The following LGMN variants were observed in gnomAD, a reference collection of about 807,000 sequenced individuals.
LGMN encodes the protein legumain.
In LGMN, 36 loss-of-function variants were observed where a neutral mutation model predicts 56.8. That is an observed-to-expected ratio of 0.63 (90% CI 0.49 to 0.84). The LOEUF (loss-of-function observed/expected upper bound fraction) is 0.84. Among genes scored for constraint, LGMN ranks in the 40% least tolerant of loss-of-function variants. The probability of loss-of-function intolerance (pLI) is 0.00; values close to 1 mark genes in which losing one functional copy is unlikely to be tolerated. For missense variants in LGMN, 446 were observed against 556.1 expected (o/e 0.80, Z 1.99); for synonymous variants, 199 against 210.1 (o/e 0.95, Z 0.46).
At chr14:92,743,229 C>A (rs1374793358) in intron 1 of LGMN, among the ~76,000 whole-genome samples, 1 of 151,968 alleles carries the variant, frequency 6.6e-6, no homozygotes, top group South Asian at 2.1e-4. Flanking sequence ...CAGGGCCGGG[C>A]AGTGGCTCAC....
At chr14:92,721,375 C>T (rs1169814211) in intron 2 of LGMN, among the ~76,000 whole-genome samples, 1 of 152,310 alleles carries the variant, frequency 6.6e-6, no homozygotes, top group East Asian at 1.9e-4. Context: ...AAAGTGGAGC[C>T]TCCACTACAG....
At chr14:92,718,221 A>C (rs1890169018) in intron 3 of LGMN, among the ~76,000 whole-genome samples, 1 of 152,136 alleles carries the variant, frequency 6.6e-6, no homozygotes, top group Non-Finnish European at 1.5e-5. Flanking sequence ...CAAAGCAGCG[A>C]CCAGCACCCA....
intron 1 of LGMN, among the ~76,000 whole-genome samples, chr14:92,734,779 A>T (rs1891222398): frequency 1.3e-5 from 2 of 152,248 alleles, no homozygotes; most frequent in Admixed American, 1.3e-4. Context: ...AAGAAGAAAA[A>T]TATATAGTCA....
intron 4 of LGMN, 67 bp from the exon 5 acceptor site, chr14:92,716,288 G>T: frequency 8.8e-7 from 1 of 1,135,550 alleles, no homozygotes; most frequent in Non-Finnish European, 1.3e-6. Context: ...GGCTGAGTCT[G>T]CAACCGACCC....
chr14:92,740,548 G>A (rs900715131), intron 1 of LGMN, among the ~76,000 whole-genome samples: 2 of 152,160 alleles, frequency 1.3e-5, no homozygotes, highest in African/African-American at 4.8e-5. Context: ...CACAAAGAAA[G>A]AGTTGCTTAT....
In LGMN at chr14:92,711,687, G is replaced by A. The variant is rs367813667; in HGVS notation, c.791C>T (p.Thr264Ile). ...QYHLVKSHTNTSHVMQYGNKT... is the reference protein window; with the variant it reads ...QYHLVKSHTNISHVMQYGNKT... ...GTTTCCATACTGCATGACGTGGCTG[G>A]TGTTGGTGTGCGATTTTACCAGGTG... Residue 264 changes from threonine (T) to isoleucine (I), a missense_variant, in exon 10 of 14, where the codon ACC (threonine) becomes ATC (isoleucine). By Grantham distance (89) the Thr-to-Ile change is moderately conservative. Coordinates refer to ENST00000334869, the MANE Select transcript of LGMN (RefSeq NM_005606.7). The A allele has an allele frequency of 3.1e-6, 5 of 1,614,122 alleles. No individual in the cohort carries two copies. In the African/African-American group the frequency reaches 6.7e-5, roughly 22 times the overall value.
chr14:92,731,127 C>T (rs969268558), intron 2 of LGMN, among the ~76,000 whole-genome samples: 1 of 152,092 alleles, frequency 6.6e-6, no homozygotes, highest in Non-Finnish European at 1.5e-5. Context: ...TCAGTCCAAT[C>T]ATTCGTAAAG....
At chr14:92,747,398 A>T (rs1022523550) in intron 1 of LGMN, among the ~76,000 whole-genome samples, 4 of 151,952 alleles carry the variant, frequency 2.6e-5, no homozygotes, top group Non-Finnish European at 5.9e-5. Context: ...GCTGAGACAG[A>T]AGAATCACTT....
At chr14:92,730,468 C>T (rs913593127) in intron 2 of LGMN, among the ~76,000 whole-genome samples, 1 of 152,092 alleles carries the variant, frequency 6.6e-6, no homozygotes, top group Non-Finnish European at 1.5e-5. Context: ...CAAGCTGGAG[C>T]GCAGTGGCTA....
chr14:92,737,987 C>T (rs1391696363), intron 1 of LGMN, among the ~76,000 whole-genome samples: 1 of 152,136 alleles, frequency 6.6e-6, no homozygotes, highest in Non-Finnish European at 1.5e-5. Context: ...TTCTGAGTTT[C>T]GTTCATATGA....
intron 2 of LGMN, among the ~76,000 whole-genome samples, chr14:92,731,276 T>C (rs1476659458): frequency 6.6e-6 from 1 of 152,210 alleles, no homozygotes; most frequent in Non-Finnish European, 1.5e-5. Flanking sequence ...CAAGATTAAA[T>C]GACTTTTTAA....
intron 1 of LGMN, among the ~76,000 whole-genome samples, chr14:92,739,602 T>C (rs997969177): frequency 6.6e-6 from 1 of 152,092 alleles, no homozygotes; most frequent in African/African-American, 2.4e-5. Context: ...AAAACATAGG[T>C]TGTCAGATAG....
chr14:92,744,901 T>C (rs1459815004), intron 1 of LGMN, among the ~76,000 whole-genome samples: 1 of 152,172 alleles, frequency 6.6e-6, no homozygotes, highest in Non-Finnish European at 1.5e-5. Context: ...GCCTATCTTT[T>C]AGTATTATGG....
rs531158508 is a variant in LGMN, at chr14:92,709,591, G to A, written c.1020+81C>T. On this transcript the variant is annotated intron_variant, in intron 11 of 13. Coordinates refer to ENST00000334869, the MANE Select transcript of LGMN (RefSeq NM_005606.7). ...ATACTCCTGTGTGGCAGGGAGCATA[G>A]GAGGCAGGGCCGTGCTCATGCATGC... is the stretch of plus-strand genomic sequence containing the variant. 1.6e-4 allele frequency: 178 copies of A among 1,117,968 alleles called. 4 individuals carry two copies. The South Asian group carries it at 2.3e-3, about 14-fold the overall frequency. 69.3% of individuals were successfully genotyped at this position (1,117,968 alleles called of 1,614,324 possible).
rs1277868516 is a variant in LGMN at position 92,711,643 on chromosome 14, G to A, written c.819+16C>T. The A allele has an allele frequency of 9.9e-6, 16 of 1,611,510 alleles. No individual in the cohort carries two copies. The highest frequency in any genetic ancestry group is 2.2e-5 in the East Asian group (1 of 44,894). ...CACAAGGAACAGAGGGCCAGCACGC[G>A]AGGCTCCCGACTCACTTTGTTTCCA... is the stretch of plus-strand genomic sequence containing the variant. On this transcript the variant is annotated intron_variant, in intron 10 of 13. Transcript: ENST00000334869.
Position 92,714,500 on chromosome 14 carries a change from T to C in LGMN, c.405-49A>G. On this transcript the variant is annotated intron_variant, in intron 5 of 13. Transcript: ENST00000334869. The surrounding 1 kb of genome is among the most constrained non-coding windows in gnomAD (Gnocchi z 5.1). ...AATCATTTCCTTTTTCTGTTTTTAC[T>C]TCTATTTCTCTGAAAAGCTGCCCTA... The C allele has an allele frequency of 7.4e-7, 1 of 1,347,672 alleles. No homozygotes were observed. Among genetic ancestry groups the C allele is most frequent in the South Asian group, 1.2e-5 (1 of 81,778 alleles). 83.5% of individuals were successfully genotyped at this position (1,347,672 alleles called of 1,614,324 possible).
intron 2 of LGMN, among the ~76,000 whole-genome samples, chr14:92,729,242 G>A (rs1176744727): frequency 6.9e-6 from 1 of 144,162 alleles, no homozygotes; most frequent in Non-Finnish European, 1.5e-5. Context: ...GTCTGCCTCT[G>A]TCCCCACTCC....
chr14:92,732,840 G>A, intron 1 of LGMN, 25 bp from the exon 2 acceptor site: 3 of 1,586,436 alleles, frequency 1.9e-6, no homozygotes, highest in Non-Finnish European at 2.6e-6. Context: ...ACAGAGTCAA[G>A]TACAAAGCAA....
chr14:92,729,126 T>C (rs554245759), intron 2 of LGMN, among the ~76,000 whole-genome samples: 1 of 142,460 alleles, frequency 7.0e-6, no homozygotes, highest in East Asian at 2.0e-4. Flanking sequence ...GCTCAGCTTT[T>C]CTTTTTTTTT....
Sources: allele counts gnomAD v4.1 joint callset (sites outside exome capture counted in the v4.1 genomes callset), GRCh38; gene constraint gnomAD v4.1.1; non-coding constraint Gnocchi (gnomAD v3.1); transcripts MANE v1.5; gene names NCBI Gene and HGNC (gene_info 2026-07-23, HGNC 2026-07-21).